Variants in STXBP3 observed in about 807,000 individuals in gnomAD.
The protein encoded by STXBP3 is syntaxin binding protein 3, also known as syntaxin-binding protein 3.
In STXBP3, 41 loss-of-function variants were observed where a neutral mutation model predicts 85.7. The ratio of observed to expected loss-of-function variants is 0.48; its 90% CI spans 0.37 to 0.62. The LOEUF (loss-of-function observed/expected upper bound fraction) is 0.62, where lower values mean the gene tolerates loss of function less well. STXBP3 is among the 20% of genes least tolerant of loss of function. The pLI is 0.00. For missense variants in STXBP3, 563 were observed against 703.1 expected (o/e 0.80, Z 2.25); for synonymous variants, 229 against 231.7 (o/e 0.99, Z 0.10).
chr1:108,795,928 C>G (rs964227116), intron 13 of STXBP3, among the ~76,000 whole-genome samples: 2 of 148,120 alleles, frequency 1.4e-5, no homozygotes, highest in African/African-American at 2.5e-5. Context: ...TGCAATGGCC[C>G]AATCATGGCT....
chr1:108,751,369 C>T (rs1316771232), intron 1 of STXBP3, among the ~76,000 whole-genome samples: 4 of 152,094 alleles, frequency 2.6e-5, no homozygotes, highest in African/African-American at 4.8e-5. Flanking sequence ...ATTATTTATA[C>T]CCTCTGATAG....
intron 9 of STXBP3, chr1:108,780,583 AGTCTTGAACT>A (rs1424609500): frequency 8.2e-6 from 1 of 121,644 alleles, no homozygotes; most frequent in Non-Finnish European, 1.6e-5. Flanking sequence ...TGGCCAGGCT[AGTCTTGAACT>A]CCTGACCTCA....
chr1:108,750,847 G>A (rs1287923228), intron 1 of STXBP3, among the ~76,000 whole-genome samples: 1 of 152,170 alleles, frequency 6.6e-6, no homozygotes, highest in Non-Finnish European at 1.5e-5. Flanking sequence ...TGCTGGAATG[G>A]CTCACAGAAC....
intron 11 of STXBP3, among the ~76,000 whole-genome samples, chr1:108,789,389 T>C (rs1662929231): frequency 6.6e-6 from 1 of 152,184 alleles, no homozygotes; most frequent in South Asian, 2.1e-4. Context: ...AGACAGTTCT[T>C]CTTCCAGTGT....
At chr1:108,795,316 T>G (rs1663067049) in intron 13 of STXBP3, among the ~76,000 whole-genome samples, 1 of 152,086 alleles carries the variant, frequency 6.6e-6, no homozygotes, top group Non-Finnish European at 1.5e-5. Flanking sequence ...GCATGTAATT[T>G]TAATTATTCT....
rs1662735271 is a variant in STXBP3 at position 108,782,430 on chromosome 1, C to T, written c.818C>T (p.Thr273Ile). 6.2e-7 allele frequency: 1 copy of T among 1,612,030 alleles called. No individual in the cohort carries two copies. The highest frequency in any genetic ancestry group is 2.2e-5 in the East Asian group (1 of 44,802). The change falls in exon 10 of 19, where the codon ACA becomes ATA. Residue 273 changes from threonine to isoleucine, a missense_variant. By Grantham distance (89) the Thr-to-Ile change is moderately conservative. Around this residue, in one of 3 missense-constraint regions of STXBP3, gnomAD observed 494 missense variants for 592.8 expected, o/e 0.83. Transcript: ENST00000370008. ...CTTCTGTCTACTTGTAGATATAAAA[C>T]AGATGGAAAAGAAAAGGAGGCCATC... ...PIENDTYKYK[T>I]DGKEKEAILE...
At chr1:108,771,503 A>G (rs1472277697) in intron 6 of STXBP3, among the ~76,000 whole-genome samples, 1 of 95,178 alleles carries the variant, frequency 1.1e-5, no homozygotes, top group African/African-American at 4.6e-5. Flanking sequence ...ATAAATATAT[A>G]TGATATATAA....
chr1:108,755,123 A>G (rs1480329182), intron 3 of STXBP3, among the ~76,000 whole-genome samples: 1 of 152,118 alleles, frequency 6.6e-6, no homozygotes, highest in Non-Finnish European at 1.5e-5. Context: ...ACTTGAGTGG[A>G]GAATAAAGTC....
At position 108,756,784 on chromosome 1, in the gene STXBP3, T is replaced by G. The variant is rs775488520; in HGVS notation, c.258+18T>G. 2.6e-6 allele frequency: 4 copies of G among 1,558,494 alleles called. No individual in the cohort carries two copies. The highest frequency in any genetic ancestry group is 1.2e-5 in the South Asian group (1 of 82,788). On this transcript the variant is annotated intron_variant, in intron 4 of 18. Coordinates refer to ENST00000370008, the MANE Select transcript of STXBP3 (RefSeq NM_007269.4). Reference sequence around the variant, plus strand: ...CATCAAAGGTGAGTATTTTGAGACCTTAAAAAGCAGGTTCATCAATATTTC... The same window carrying G: ...CATCAAAGGTGAGTATTTTGAGACCGTAAAAAGCAGGTTCATCAATATTTC...
chr1:108,808,997 T>TA lies in STXBP3; in HGVS notation c.*121dup. 1 of 661,810 alleles carries TA rather than the reference T, an allele frequency of 1.5e-6. No homozygotes were observed. Among genetic ancestry groups the TA allele is most frequent in the South Asian group, 2.1e-5 (1 of 47,274 alleles). 41.0% of individuals were successfully genotyped at this position (661,810 alleles called of 1,614,324 possible). On this transcript the variant is annotated 3_prime_UTR_variant, in exon 19 of 19. Transcript: ENST00000370008. ...TTTTATGGAATAATGGCTTTTCAAATACATTTCTTAAGGAACTGTTTATGA... is the reference window on the plus strand; with the variant it reads ...TTTTATGGAATAATGGCTTTTCAAATAACATTTCTTAAGGAACTGTTTATGA...
At chr1:108,770,755 A>G (rs61797327) in intron 6 of STXBP3, among the ~76,000 whole-genome samples, 7,358 of 122,876 alleles carry the variant, frequency 0.06, 219 homozygotes, top group Admixed American at 0.083. Flanking sequence ...GGAACTCTCA[A>G]TACCATTTAG....
rs1298318637 is a variant in STXBP3 at position 108,758,545 on chromosome 1, A to G, written c.294A>G (p.Lys98=). 1 of 1,548,308 alleles carries G rather than the reference A, an allele frequency of 6.5e-7. No individual in the cohort carries two copies. Among genetic ancestry groups the G allele is most frequent in the Admixed American group, 1.8e-5 (1 of 54,558 alleles). ...GTTTCTTACATGATTTTGCAAGTAA[A>G]TCGGAGAACAAGTATAAAGCAGCAT... ...VDCFLHDFAS[K]SENKYKAAYI... Residue 98 remains lysine, a synonymous_variant, in exon 5 of 19, where the codon AAA becomes AAG. Coordinates refer to ENST00000370008, the MANE Select transcript of STXBP3 (RefSeq NM_007269.4).
Position 108,776,431 on chromosome 1 carries a change from A to G in STXBP3, c.684+8A>G. ...GAAAAGAGCCTAATAAAGGTAATGTATGCAAGGCAAGTAATGACTATGCAT... is the reference window on the plus strand; with the variant it reads ...GAAAAGAGCCTAATAAAGGTAATGTGTGCAAGGCAAGTAATGACTATGCAT... On this transcript the variant is annotated splice_region_variant and intron_variant, in intron 8 of 18. Coordinates refer to ENST00000370008, the MANE Select transcript of STXBP3 (RefSeq NM_007269.4). 3 of 1,586,300 alleles carry G rather than the reference A, an allele frequency of 1.9e-6. No homozygotes were observed. Among genetic ancestry groups the G allele is most frequent in the Non-Finnish European group, 1.7e-6 (2 of 1,163,426 alleles).
At chr1:108,804,414 C>G (rs975775048) in intron 17 of STXBP3, among the ~76,000 whole-genome samples, 4 of 152,100 alleles carry the variant, frequency 2.6e-5, no homozygotes, top group Non-Finnish European at 4.4e-5. Context: ...TTGTCATACT[C>G]TCTATCCTCC....
At chr1:108,778,744 C>T (rs1337805048) in intron 8 of STXBP3, among the ~76,000 whole-genome samples, 1 of 152,102 alleles carries the variant, frequency 6.6e-6, no homozygotes, top group Non-Finnish European at 1.5e-5. Flanking sequence ...ATAGTGCAAA[C>T]AAAATGTTAC....
intron 17 of STXBP3, among the ~76,000 whole-genome samples, chr1:108,802,093 T>A (rs777870693): frequency 6.6e-6 from 1 of 152,126 alleles, no homozygotes; most frequent in African/African-American, 2.4e-5. Context: ...ACTTCTGGGA[T>A]TTCCTTATTA....
Position 108,747,312 on chromosome 1 carries a change from C to T in STXBP3, c.49+526C>T, listed in dbSNP as rs76427405. ...CTCACTGTTTAACAGACTCATCTTC[C>T]CCTATTCCGAGAGGAGCCTACTTTC... On this transcript the variant is annotated intron_variant, in intron 1 of 18. Coordinates refer to ENST00000370008, the MANE Select transcript of STXBP3 (RefSeq NM_007269.4). Among the ~76,000 whole-genome samples, 1,139 of 152,328 alleles carry T rather than the reference C, an allele frequency of 7.5e-3. 11 individuals are homozygous for T. The highest frequency in any genetic ancestry group is 0.026 in the African/African-American group (1,089 of 41,570).
At chr1:108,801,295 A>G (rs568509144) in intron 17 of STXBP3, among the ~76,000 whole-genome samples, 1 of 152,144 alleles carries the variant, frequency 6.6e-6, no homozygotes, top group Admixed American at 6.5e-5. Context: ...TCCCCCAAGT[A>G]TGAGTCACAC....
chr1:108,760,141 C>A, intron 6 of STXBP3, 56 bp downstream of exon 6: 2 of 991,978 alleles, frequency 2.0e-6, no homozygotes, highest in Non-Finnish European at 3.0e-6. Flanking sequence ...GGTTTTATGG[C>A]TTATTGTTAA....
Sources: gnomAD v4.1 joint callset for allele counts (sites outside exome capture counted in the v4.1 genomes callset) on GRCh38, gnomAD v4.1.1 for gene constraint, gnomAD v4.1.1 regional missense constraint, MANE v1.5 for transcripts, NCBI Gene and HGNC (gene_info 2026-07-23, HGNC 2026-07-21) for gene names.